Variants in FIG4 observed in about 807,000 individuals in gnomAD.
FIG4 encodes the protein FIG4 phosphoinositide 5-phosphatase, also known as polyphosphoinositide phosphatase.
In FIG4, 112 loss-of-function variants were observed where a neutral mutation model predicts 118.6. That is an observed-to-expected ratio of 0.94 (90% CI 0.81 to 1.11). The LOEUF (loss-of-function observed/expected upper bound fraction) is 1.11, where lower values mean the gene tolerates loss of function less well. Ranked by LOEUF, FIG4 falls within the 50% of genes least tolerant of loss-of-function variation. The probability of loss-of-function intolerance (pLI) is 0.00; values close to 1 mark genes in which losing one functional copy is unlikely to be tolerated. For synonymous variants in FIG4, 369 were observed against 381.2 expected (o/e 0.97, Z 0.37); for missense variants, 969 against 1,111.7 (o/e 0.87, Z 1.83).
rs750102036 is a variant in FIG4 at position 109,727,240 on chromosome 6, C to A, written c.421C>A (p.Arg141=). The A allele has an allele frequency of 6.2e-7, 1 of 1,611,656 alleles. No homozygotes were observed. Among genetic ancestry groups the A allele is most frequent in the East Asian group, 2.2e-5 (1 of 44,820 alleles). ...GATCTATATACCCAATGATTCTGTA[C>A]GGGTTACTCATCCTGATGAAGCTAG... ...NMIYIPNDSV[R]VTHPDEARYL... Residue 141 remains arginine (R), a synonymous_variant, in exon 4 of 23, where the codon CGG becomes AGG. Coordinates refer to ENST00000230124, the MANE Select transcript of FIG4 (RefSeq NM_014845.6).
Position 109,760,461 on chromosome 6 carries a change from G to A in FIG4, c.1271+78G>A, listed in dbSNP as rs1777069401. On this transcript the variant is annotated intron_variant, in intron 11 of 22. Transcript: ENST00000230124. The stretch of plus-strand genomic sequence containing the variant: ...AAATAACAGGAAGCTGACCTCTGTG[G>A]TAAAGTAAATGTTACCCTGTTAATT... 4 of 1,316,184 alleles carry A rather than the reference G, an allele frequency of 3.0e-6. No homozygotes were observed. In the Admixed American group the frequency reaches 6.7e-5, roughly 22 times the overall value. The allele number at this position is 1,316,184 out of a possible 1,614,324, so 81.5% of individuals were successfully genotyped here. A position where few individuals can be genotyped will look rare whatever the true frequency, so the allele number is the denominator to read the frequency against.
At chr6:109,725,819 C>T (rs1285491247) in intron 3 of FIG4, among the ~76,000 whole-genome samples, 7 of 152,096 alleles carry the variant, frequency 4.6e-5, no homozygotes, top group Non-Finnish European at 5.9e-5. Context: ...TATCTCATTG[C>T]GGTTTTGATT....
rs372863956 is a variant in FIG4 at position 109,707,291 on chromosome 6, A to ATGTGTGTG, written c.67-7777_67-7770dup. ...TGTGTGTGTGTGTGTATATATATAT[A>ATGTGTGTG]TGTGTGTGTGTGTGTGTATGTGTAT... On this transcript the variant is annotated intron_variant, in intron 1 of 22. Coordinates refer to ENST00000230124, the MANE Select transcript of FIG4 (RefSeq NM_014845.6). Among the ~76,000 whole-genome samples the ATGTGTGTG allele has an allele frequency of 1.2e-4, 18 of 145,500 alleles. No individual in the cohort carries two copies. In the South Asian group the frequency reaches 1.7e-3, roughly 14 times the overall value.
intron 18 of FIG4, among the ~76,000 whole-genome samples, chr6:109,787,237 A>C (rs539026562): frequency 6.6e-6 from 1 of 152,272 alleles, no homozygotes; most frequent in African/African-American, 2.4e-5. Context: ...CGAGCAAAGA[A>C]AATTACTTGT....
intron 22 of FIG4, among the ~76,000 whole-genome samples, chr6:109,816,729 G>C (rs1363360252): frequency 1.3e-5 from 2 of 152,102 alleles, no homozygotes; most frequent in Non-Finnish European, 2.9e-5. Flanking sequence ...ATCTAAAGTG[G>C]TTCTAAAATT....
intron 15 of FIG4, among the ~76,000 whole-genome samples, chr6:109,773,630 C>T (rs1423224338): frequency 1.3e-5 from 2 of 152,126 alleles, no homozygotes; most frequent in African/African-American, 2.4e-5. Flanking sequence ...CACACAGCCA[C>T]GGCCATCCAC....
chr6:109,723,917 A>G (rs1775690578), intron 3 of FIG4, among the ~76,000 whole-genome samples: 1 of 152,150 alleles, frequency 6.6e-6, no homozygotes. Context: ...GCCCAGTCAC[A>G]CTGTTTCCCA....
intron 16 of FIG4, among the ~76,000 whole-genome samples, chr6:109,780,674 G>A (rs1777773827): frequency 6.6e-6 from 1 of 152,146 alleles, no homozygotes; most frequent in Non-Finnish European, 1.5e-5. Flanking sequence ...TTTGTGGCAT[G>A]CTGTATCTTA....
At chr6:109,781,088 T>G (rs1777789367) in intron 16 of FIG4, among the ~76,000 whole-genome samples, 1 of 152,058 alleles carries the variant, frequency 6.6e-6, no homozygotes. Flanking sequence ...GAGAGAGAGG[T>G]AATCTGGCCT....
At chr6:109,772,348 A>G (rs752149944) in intron 15 of FIG4, among the ~76,000 whole-genome samples, 2 of 152,100 alleles carry the variant, frequency 1.3e-5, no homozygotes, top group African/African-American at 2.4e-5. Context: ...TTTGACTACC[A>G]TGCATTTGAC....
At chr6:109,784,084 C>T (rs886070018) in intron 16 of FIG4, among the ~76,000 whole-genome samples, 1 of 151,984 alleles carries the variant, frequency 6.6e-6, no homozygotes, top group Non-Finnish European at 1.5e-5. Flanking sequence ...TTTTAGAAAG[C>T]CTTTCATTTA....
chr6:109,802,900 CT>C (rs1294575797), intron 22 of FIG4, among the ~76,000 whole-genome samples: 1 of 151,198 alleles, frequency 6.6e-6, no homozygotes, highest in Admixed American at 6.6e-5. Context: ...ATGAAAAAAC[CT>C]TTTTTTTTGT....
chr6:109,735,526 A>G (rs184176336), intron 6 of FIG4, among the ~76,000 whole-genome samples: 2 of 152,282 alleles, frequency 1.3e-5, no homozygotes, highest in Admixed American at 1.3e-4. Flanking sequence ...GACATTTTCT[A>G]GCAATTATTC....
At position 109,795,595 on chromosome 6, in the gene FIG4, C is replaced by CTTTTTT. The variant is rs72384711; in HGVS notation, c.2460-1149_2460-1144dup. Among the ~76,000 whole-genome samples the CTTTTTT allele has an allele frequency of 2.0e-3, 138 of 69,540 alleles. 41 individuals carry two copies. The highest frequency in any genetic ancestry group is 2.5e-3 in the East Asian group (6 of 2,390). 45.6% of individuals were successfully genotyped at this position (69,540 alleles called of 152,430 possible). On this transcript the variant is annotated intron_variant, in intron 21 of 22. Coordinates refer to ENST00000230124, the MANE Select transcript of FIG4 (RefSeq NM_014845.6). ...GAAATCTGTTCTTTTGGTTTCAGTCCTTTTTTTTTTTTTTTTTTTTTTTTT... is the reference window on the plus strand; with the variant it reads ...GAAATCTGTTCTTTTGGTTTCAGTCCTTTTTTTTTTTTTTTTTTTTTTTTTTTTTTT...
chr6:109,740,548 A>G (rs1299061523), intron 7 of FIG4, among the ~76,000 whole-genome samples: 3 of 152,136 alleles, frequency 2.0e-5, no homozygotes, highest in Non-Finnish European at 4.4e-5. Flanking sequence ...AGGCGACATA[A>G]CTAATAAGCT....
chr6:109,789,808 G>A, intron 19 of FIG4, 131 bp downstream of exon 19: 1 of 694,972 alleles, frequency 1.4e-6, no homozygotes, highest in Non-Finnish European at 2.6e-6. Context: ...TCACTAAGGT[G>A]TTCAATACTG....
At chr6:109,697,140 T>TA (rs1460321643) in intron 1 of FIG4, among the ~76,000 whole-genome samples, 4 of 151,672 alleles carry the variant, frequency 2.6e-5, no homozygotes, top group Non-Finnish European at 5.9e-5. Flanking sequence ...TGGGCGCCTG[T>TA]AGTCCTAGCT....
At chr6:109,748,893 C>T (rs1049625377) in intron 10 of FIG4, among the ~76,000 whole-genome samples, 5 of 152,082 alleles carry the variant, frequency 3.3e-5, no homozygotes, top group African/African-American at 1.2e-4. Flanking sequence ...CCACCAGATC[C>T]CTCCACAACA....
chr6:109,753,229 C>T (rs930487638), intron 10 of FIG4, among the ~76,000 whole-genome samples: 15 of 152,030 alleles, frequency 9.9e-5, no homozygotes, highest in Admixed American at 1.3e-4. Flanking sequence ...CGAGATCGGG[C>T]GTGTTCAGGG....
Sources: allele counts gnomAD v4.1 joint callset (sites outside exome capture counted in the v4.1 genomes callset), GRCh38; gene constraint gnomAD v4.1.1; transcripts MANE v1.5; gene names NCBI Gene and HGNC (gene_info 2026-07-23, HGNC 2026-07-21).